Variants in PDE1A observed in about 807,000 individuals in gnomAD.
The protein encoded by PDE1A is phosphodiesterase 1A, also known as dual specificity calcium/calmodulin-dependent 3',5'-cyclic nucleotide phosphodiesterase 1A.
Under a neutral mutation model 61.7 loss-of-function variants are expected in PDE1A, and 35 were observed. The observed-to-expected ratio is 0.57, with a 90% CI of 0.43 to 0.75. PDE1A has a LOEUF of 0.75. Among genes scored for constraint, PDE1A ranks in the 30% least tolerant of loss-of-function variants. PDE1A has a pLI of 0.00. For synonymous variants in PDE1A, 232 were observed against 213.2 expected (o/e 1.09, Z -0.77); for missense variants, 597 against 630.6 (o/e 0.95, Z 0.57).
At chr2:182,501,167 G>A (rs911481594) in intron 2 of PDE1A, among the ~76,000 whole-genome samples, 5 of 152,132 alleles carry the variant, frequency 3.3e-5, no homozygotes, top group South Asian at 2.1e-4. Flanking sequence ...GAGGCACAAC[G>A]ACCCTTATAT....
At chr2:182,435,411 A>G (rs1684335032) in intron 2 of PDE1A, among the ~76,000 whole-genome samples, 1 of 152,070 alleles carries the variant, frequency 6.6e-6, no homozygotes, top group East Asian at 1.9e-4. Context: ...AAGAGCAAGC[A>G]GAGTGTTTCA....
chr2:182,342,078 T>C (rs1698222447), intron 1 of PDE1A, among the ~76,000 whole-genome samples: 1 of 152,146 alleles, frequency 6.6e-6, no homozygotes, highest in South Asian at 2.1e-4. Flanking sequence ...CCCTTTTCTA[T>C]AGTTATCTTT....
chr2:182,434,482 T>A (rs1583114), intron 2 of PDE1A, among the ~76,000 whole-genome samples: 1 of 152,048 alleles, frequency 6.6e-6, no homozygotes, highest in Non-Finnish European at 1.5e-5. Flanking sequence ...AGTGAGGGCC[T>A]TTTTACTACA....
intron 1 of PDE1A, among the ~76,000 whole-genome samples, chr2:182,405,345 C>G (rs945222858): frequency 6.6e-6 from 1 of 152,218 alleles, no homozygotes; most frequent in Admixed American, 6.5e-5. Context: ...GCTGCTATTG[C>G]AAGGAGGCTT....
chr2:182,695,764 T>C, the PDE1A span, among the ~76,000 whole-genome samples: 2 of 150,070 alleles, frequency 1.3e-5, no homozygotes, highest in Admixed American at 1.3e-4. Flanking sequence ...ATATATCTCA[T>C]AGCGGACTGT....
intron 1 of PDE1A, among the ~76,000 whole-genome samples, chr2:182,384,111 G>C (rs1700886349): frequency 6.6e-6 from 1 of 152,204 alleles, no homozygotes; most frequent in Non-Finnish European, 1.5e-5. Flanking sequence ...TTAGTGACAG[G>C]CAGCCCTCAG....
At chr2:182,643,358 G>C in the PDE1A span, among the ~76,000 whole-genome samples, 1 of 152,174 alleles carries the variant, frequency 6.6e-6, no homozygotes, top group Admixed American at 6.5e-5. Context: ...TGCCGCCTAG[G>C]TCTCATGTTT....
chr2:182,513,871 T>C (rs1689972873), intron 2 of PDE1A, among the ~76,000 whole-genome samples: 1 of 152,174 alleles, frequency 6.6e-6, no homozygotes, highest in Non-Finnish European at 1.5e-5. Flanking sequence ...TAATGATAAA[T>C]GTTTCAATTC....
chr2:182,493,915 C>A (rs1688552552), intron 2 of PDE1A, among the ~76,000 whole-genome samples: 1 of 152,178 alleles, frequency 6.6e-6, no homozygotes, highest in Non-Finnish European at 1.5e-5. Context: ...GCTGGGATTA[C>A]ATGTGTGAAC....
chr2:182,157,274 C>T (rs1691143925), intron 13 of PDE1A, among the ~76,000 whole-genome samples: 1 of 152,070 alleles, frequency 6.6e-6, no homozygotes, highest in Non-Finnish European at 1.5e-5. Flanking sequence ...CTTGTCCTTC[C>T]GAAGTGCTGG....
the PDE1A span, among the ~76,000 whole-genome samples, chr2:182,703,662 TC>T: frequency 3.9e-5 from 6 of 152,222 alleles, no homozygotes; most frequent in African/African-American, 1.4e-4. Flanking sequence ...GAATCCCAAC[TC>T]TGCCAATTAG....
the PDE1A span, among the ~76,000 whole-genome samples, chr2:182,562,649 C>T: frequency 6.6e-6 from 1 of 152,060 alleles, no homozygotes; most frequent in East Asian, 1.9e-4. Context: ...CCTCCTTGTA[C>T]CTCTGGTAGA....
chr2:182,205,209 G>T (rs191898134), intron 8 of PDE1A, among the ~76,000 whole-genome samples: 1 of 152,170 alleles, frequency 6.6e-6, no homozygotes, highest in South Asian at 2.1e-4. Flanking sequence ...GAGTCCCATA[G>T]AATATTAGGG....
chr2:182,165,644 T>G (rs1003309616), downstream of PDE1A, among the ~76,000 whole-genome samples: 1 of 152,086 alleles, frequency 6.6e-6, no homozygotes, highest in African/African-American at 2.4e-5. Context: ...TGGGTCACCT[T>G]GCCAGGCAAA....
At chr2:182,327,515 A>G (rs1697122030) in intron 1 of PDE1A, among the ~76,000 whole-genome samples, 1 of 152,230 alleles carries the variant, frequency 6.6e-6, no homozygotes, top group Non-Finnish European at 1.5e-5. Flanking sequence ...GGAAAAATCA[A>G]CAGAAGTCAT....
the PDE1A span, among the ~76,000 whole-genome samples, chr2:182,546,629 A>T: frequency 6.6e-6 from 1 of 152,202 alleles, no homozygotes; most frequent in Non-Finnish European, 1.5e-5. Flanking sequence ...CAAGAGTTAC[A>T]ATCAACCAGA....
At chr2:182,172,446 A>G (rs1391641223) in intron 13 of PDE1A, among the ~76,000 whole-genome samples, 1 of 152,062 alleles carries the variant, frequency 6.6e-6, no homozygotes. Context: ...CATTTGTAAC[A>G]TACTCCAATC....
At chr2:182,174,727 T>C (rs1264992718) in intron 13 of PDE1A, among the ~76,000 whole-genome samples, 1 of 150,100 alleles carries the variant, frequency 6.7e-6, no homozygotes, top group African/African-American at 2.4e-5. Flanking sequence ...ATCTCATTTG[T>C]TTTTTATTTA....
chr2:182,552,027 G>T, the PDE1A span, among the ~76,000 whole-genome samples: 37 of 152,148 alleles, frequency 2.4e-4, no homozygotes, highest in African/African-American at 8.2e-4. Context: ...GCCACTTTTT[G>T]ACTTCCAATG....
Sources: gnomAD v4.1 joint callset for allele counts (sites outside exome capture counted in the v4.1 genomes callset) on GRCh38, gnomAD v4.1.1 for gene constraint, MANE v1.5 for transcripts, NCBI Gene and HGNC (gene_info 2026-07-23, HGNC 2026-07-21) for gene names.